The following GOLGA1 variants were observed in gnomAD, a reference collection of about 807,000 sequenced individuals.
GOLGA1 encodes the protein golgin A1, also known as golgin subfamily A member 1.
A neutral mutation model predicts 119.7 loss-of-function variants in GOLGA1; 63 were observed. The observed-to-expected ratio is 0.53, with a 90% confidence interval of 0.43 to 0.65. GOLGA1 has a LOEUF of 0.65. GOLGA1 is among the 30% of genes least tolerant of loss of function. The pLI is 0.00. For missense variants in GOLGA1, 798 were observed against 912.8 expected, an observed-to-expected ratio of 0.87 and a Z score of 1.62; for synonymous variants, 318 against 333.4, an observed-to-expected ratio of 0.95 and a Z score of 0.50.
intron 10 of GOLGA1, among the ~76,000 whole-genome samples, chr9:124,917,610 T>A (rs994541163): frequency 6.6e-6 from 1 of 152,208 alleles, no homozygotes; most frequent in Non-Finnish European, 1.5e-5. Flanking sequence ...GCTTCCTAAG[T>A]GGAAGACCCT....
intron 12 of GOLGA1, among the ~76,000 whole-genome samples, chr9:124,906,691 G>A (rs1016746814): frequency 6.6e-6 from 1 of 152,088 alleles, no homozygotes; most frequent in African/African-American, 2.4e-5. Flanking sequence ...GGTGGAGGTT[G>A]CAGTGAGCCG....
rs1830983285 is a variant in GOLGA1 at position 124,940,389 on chromosome 9, A to G, written c.-205-234T>C. Among the ~76,000 whole-genome samples the G allele has an allele frequency of 1.3e-5, 2 of 152,194 alleles. 1 individual carries two copies. The highest frequency in any genetic ancestry group is 4.1e-4 in the South Asian group (2 of 4,834). ...ACAAGCGCATAGAACAGAATTGATCACCGCAGCGGGTGCCTAAATTCACTT... is the reference window on the plus strand; with the variant it reads ...ACAAGCGCATAGAACAGAATTGATCGCCGCAGCGGGTGCCTAAATTCACTT... On this transcript the variant is annotated intron_variant, in intron 1 of 22. Transcript: ENST00000373555.
intron 11 of GOLGA1, among the ~76,000 whole-genome samples, chr9:124,910,445 T>C (rs560839269): frequency 6.6e-6 from 1 of 152,218 alleles, no homozygotes; most frequent in Non-Finnish European, 1.5e-5. Context: ...GGCACAATAA[T>C]AATATTGATC....
At chr9:124,930,096 A>AC (rs1288535500) in intron 4 of GOLGA1, among the ~76,000 whole-genome samples, 28 of 152,292 alleles carry the variant, frequency 1.8e-4, no homozygotes, top group Admixed American at 1.7e-3. Context: ...TGTTACTGTG[A>AC]CTATTATCAT....
At chr9:124,903,285 C>T (rs1427931356) in intron 12 of GOLGA1, among the ~76,000 whole-genome samples, 1 of 151,992 alleles carries the variant, frequency 6.6e-6, no homozygotes, top group African/African-American at 2.4e-5. Flanking sequence ...GCCAGGAGTT[C>T]GAGACCAGCC....
chr9:124,935,528 G>A (rs1192164400), intron 3 of GOLGA1, among the ~76,000 whole-genome samples: 1 of 152,172 alleles, frequency 6.6e-6, no homozygotes, highest in African/African-American at 2.4e-5. Context: ...TTTAAGAAAT[G>A]AAAGCTGCCT....
At chr9:124,905,364 A>G (rs1207333707) in intron 12 of GOLGA1, among the ~76,000 whole-genome samples, 1 of 152,034 alleles carries the variant, frequency 6.6e-6, no homozygotes, top group African/African-American at 2.4e-5. Flanking sequence ...TGGGTGGGTG[A>G]GGCAGGAGAA....
At chr9:124,924,749 T>C (rs1408201479) in intron 7 of GOLGA1, among the ~76,000 whole-genome samples, 9 of 149,556 alleles carry the variant, frequency 6.0e-5, no homozygotes, top group Admixed American at 4.0e-4. Context: ...CGATGAAAAG[T>C]AGCTTCGAAG....
intron 2 of GOLGA1, among the ~76,000 whole-genome samples, chr9:124,939,545 TCTTTC>T (rs1830953456): frequency 1.2e-5 from 1 of 80,530 alleles, no homozygotes; most frequent in African/African-American, 8.0e-5. Context: ...TTATTTTCTT[TCTTTC>T]TTTTTTTTTT....
At chr9:124,931,573 T>G (rs780961356) in intron 3 of GOLGA1, among the ~76,000 whole-genome samples, 167 bp from the exon 4 acceptor site, 8 of 152,230 alleles carry the variant, frequency 5.3e-5, no homozygotes, top group Non-Finnish European at 1.2e-4. Flanking sequence ...CAACGCTTTC[T>G]TCCTCTTATA....
intron 7 of GOLGA1, among the ~76,000 whole-genome samples, chr9:124,924,636 C>CAAAAAAAAA (rs71374206): frequency 3.7e-5 from 4 of 108,542 alleles, no homozygotes; most frequent in Admixed American, 1.0e-4. Flanking sequence ...GACCCTGTCT[C>CAAAAAAAAA]AAAAAAAAAA....
intron 10 of GOLGA1, among the ~76,000 whole-genome samples, chr9:124,918,886 G>C (rs144316138): frequency 0.011 from 1,729 of 152,224 alleles, 89 homozygotes; most frequent in Admixed American, 0.083. Context: ...TGACATTCCA[G>C]TTCCTCTAGG....
At chr9:124,899,889 G>A (rs1416349659) in intron 13 of GOLGA1, among the ~76,000 whole-genome samples, 1 of 152,260 alleles carries the variant, frequency 6.6e-6, no homozygotes, top group Non-Finnish European at 1.5e-5. Context: ...CTGGCTGCGA[G>A]CCTGTGGGCT....
chr9:124,903,501 C>T (rs1223441784), intron 12 of GOLGA1, among the ~76,000 whole-genome samples: 1 of 151,456 alleles, frequency 6.6e-6, no homozygotes, highest in African/African-American at 2.4e-5. Context: ...TATGCCTTTG[C>T]CTCCCTAAGT....
chr9:124,918,476 C>T, intron 10 of GOLGA1, among the ~76,000 whole-genome samples: 1 of 152,144 alleles, frequency 6.6e-6, no homozygotes, highest in South Asian at 2.1e-4. Context: ...TCAAAGGGTC[C>T]CTTGACTATC....
chr9:124,883,564 C>A (rs1264000245), intron 19 of GOLGA1, among the ~76,000 whole-genome samples: 6 of 152,206 alleles, frequency 3.9e-5, no homozygotes, highest in Admixed American at 2.6e-4. Flanking sequence ...TCTCCTGCCT[C>A]AGCCTCCTGA....
At chr9:124,926,377 A>G (rs1234591209) in intron 7 of GOLGA1, among the ~76,000 whole-genome samples, 1 of 152,188 alleles carries the variant, frequency 6.6e-6, no homozygotes, top group Admixed American at 6.5e-5. Flanking sequence ...TCTTTCACAC[A>G]TGGTTCTTTC....
intron 3 of GOLGA1, among the ~76,000 whole-genome samples, chr9:124,934,853 C>A (rs575353269): frequency 6.6e-6 from 1 of 152,168 alleles, no homozygotes; most frequent in East Asian, 1.9e-4. Context: ...TCGAGACCAG[C>A]CTAAGCAACA....
intron 14 of GOLGA1, among the ~76,000 whole-genome samples, chr9:124,898,846 T>A (rs1023597520): frequency 6.6e-6 from 1 of 152,166 alleles, no homozygotes; most frequent in African/African-American, 2.4e-5. Context: ...TGTTTTGTTT[T>A]ATAAAAAGCA....
Sources: gnomAD v4.1 joint callset for allele counts (sites outside exome capture counted in the v4.1 genomes callset) on GRCh38, gnomAD v4.1.1 for gene constraint, MANE v1.5 for transcripts, NCBI Gene and HGNC (gene_info 2026-07-23, HGNC 2026-07-21) for gene names.